The following CALCOCO2 variants were observed in gnomAD, a reference collection of about 807,000 sequenced individuals.
The protein encoded by CALCOCO2 is calcium binding and coiled-coil domain 2.
Under a neutral mutation model 62.5 loss-of-function variants are expected in CALCOCO2, and 42 were observed. That is an observed-to-expected ratio of 0.67 (90% CI 0.53 to 0.87). The LOEUF (loss-of-function observed/expected upper bound fraction) is 0.87, where lower values mean the gene tolerates loss of function less well. Ranked by LOEUF, CALCOCO2 falls within the 40% of genes least tolerant of loss-of-function variation. The pLI is 0.00. For missense variants in CALCOCO2, 456 were observed against 515.0 expected, an observed-to-expected ratio of 0.89 and a Z score of 1.11; for synonymous variants, 167 against 173.0, an observed-to-expected ratio of 0.97 and a Z score of 0.27.
intron 1 of CALCOCO2, among the ~76,000 whole-genome samples, chr17:48,838,570 C>T (rs2039929231): frequency 6.6e-6 from 1 of 151,808 alleles, no homozygotes; most frequent in Admixed American, 6.6e-5. Flanking sequence ...AAAAACTGGC[C>T]GGGCATGGTG....
At chr17:48,840,573 T>C (rs1310866130) in intron 1 of CALCOCO2, among the ~76,000 whole-genome samples, 1 of 152,222 alleles carries the variant, frequency 6.6e-6, no homozygotes, top group African/African-American at 2.4e-5. Context: ...GTTTCTTTGT[T>C]GTTACTCATG....
At chr17:48,842,154 C>CTTTTTTTTTTTTTTTTTTTTTTTTTTTT (rs200836727) in intron 2 of CALCOCO2, 1 of 135,484 alleles carries the variant, frequency 7.4e-6, no homozygotes. Flanking sequence ...TTTTTCTTTT[C>CTTTTTTTTTTTTTTTTTTTTTTTTTTTT]TTTTTTTTTT....
intron 10 of CALCOCO2, among the ~76,000 whole-genome samples, chr17:48,858,074 T>TAGAATAGAA (rs1287542653): frequency 1.4e-4 from 21 of 145,126 alleles, no homozygotes; most frequent in Admixed American, 2.8e-4. Context: ...TAGAATAGAA[T>TAGAATAGAA]TTTACCATCT....
chr17:48,856,241 G>A, intron 10 of CALCOCO2, 54 bp downstream of exon 10: 1 of 993,558 alleles, frequency 1.0e-6, no homozygotes, highest in Non-Finnish European at 1.6e-6. Context: ...GAAGGATCAG[G>A]GTGGCCCAGA....
chr17:48,858,046 A>AG, intron 10 of CALCOCO2, among the ~76,000 whole-genome samples: 10 of 40,040 alleles, frequency 2.5e-4, no homozygotes, highest in East Asian at 1.6e-3. Context: ...ATAGAATAGA[A>AG]AATAGAATAG....
In CALCOCO2 at chr17:48,862,925, A is replaced by T; in HGVS notation, c.1261A>T (p.Asn421Tyr). 6.2e-7 allele frequency: 1 copy of T among 1,613,854 alleles called. No homozygotes were observed. Among genetic ancestry groups the T allele is most frequent in the Non-Finnish European group, 8.5e-7 (1 of 1,179,722 alleles). The change falls in exon 13 of 13, where the codon AAT (asparagine) becomes TAT (tyrosine). Residue 421 changes from asparagine (N) to tyrosine (Y), a missense_variant. Physicochemically the swap from Asn to Tyr is moderately radical, Grantham distance 143. Around this residue, in one of 3 missense-constraint regions of CALCOCO2, gnomAD observed 172 missense variants for 210.3 expected, o/e 0.82. Coordinates refer to ENST00000258947, the MANE Select transcript of CALCOCO2 (RefSeq NM_005831.5). ...ACAGCAGATGCAGCCCCTTTGTTTCAATTGTCCAATTTGTGACAAGATCTT... is the reference window on the plus strand; with the variant it reads ...ACAGCAGATGCAGCCCCTTTGTTTCTATTGTCCAATTTGTGACAAGATCTT... The part of the protein sequence containing the change: ...EQQQMQPLCF[N>Y]CPICDKIFPA...
At chr17:48,860,938 A>G (rs2040318113) in intron 11 of CALCOCO2, among the ~76,000 whole-genome samples, 1 of 152,142 alleles carries the variant, frequency 6.6e-6, no homozygotes, top group Non-Finnish European at 1.5e-5. Context: ...GTCCTTGCCA[A>G]ACAGGGAGCT....
chr17:48,856,337 C>G (rs1389239750), intron 10 of CALCOCO2, 150 bp downstream of exon 10: 1 of 556,090 alleles, frequency 1.8e-6, no homozygotes, highest in Admixed American at 3.1e-5. Flanking sequence ...TAAATTTAAT[C>G]TAATTTCCTA....
rs755109871 is a variant in CALCOCO2 at position 48,862,812 on chromosome 17, A to G, written c.1174-26A>G. On this transcript the variant is annotated intron_variant, in intron 12 of 12. Transcript: ENST00000258947. ...TGTGCCACATATAGCTTACATTTGT[A>G]CTGACCTCTTTGCTCTTCCTCCCAG... 2.5e-6 allele frequency: 4 copies of G among 1,607,106 alleles called. No individual in the cohort carries two copies. The South Asian group carries it at 3.3e-5, about 13-fold the overall frequency.
chr17:48,856,039 G>C (rs773952651), intron 9 of CALCOCO2, 53 bp from the exon 10 acceptor site: 4 of 883,716 alleles, frequency 4.5e-6, no homozygotes, highest in Non-Finnish European at 7.2e-6. Context: ...TTCTCACCTT[G>C]TACCCAGACT....
intron 1 of CALCOCO2, among the ~76,000 whole-genome samples, chr17:48,838,183 G>A (rs975648026): frequency 6.6e-6 from 1 of 151,938 alleles, no homozygotes; most frequent in Non-Finnish European, 1.5e-5. Context: ...GAGCAAGCAG[G>A]GGGTACATGA....
intron 6 of CALCOCO2, 97 bp from the exon 7 acceptor site, chr17:48,851,462 G>A (rs772770386): frequency 2.6e-6 from 2 of 761,710 alleles, no homozygotes; most frequent in Non-Finnish European, 2.3e-6. Context: ...AAATAATTCT[G>A]CAGGCTTAGG....
intron 1 of CALCOCO2, among the ~76,000 whole-genome samples, chr17:48,834,735 A>G (rs538595193): frequency 6.6e-6 from 1 of 152,062 alleles, no homozygotes; most frequent in Admixed American, 6.6e-5. Context: ...AAGGAGGGGA[A>G]GTTGATGCTT....
At chr17:48,850,666 T>C (rs1034038791) in intron 5 of CALCOCO2, among the ~76,000 whole-genome samples, 35 of 152,166 alleles carry the variant, frequency 2.3e-4, no homozygotes, top group African/African-American at 8.4e-4. Context: ...CAGTGTCTAG[T>C]GTGGAATAGG....
In CALCOCO2 at chr17:48,852,512, C is replaced by A. The variant is rs1012931867; in HGVS notation, c.709C>A (p.Leu237Met). 1 of 1,613,004 alleles carries A rather than the reference C, an allele frequency of 6.2e-7. No homozygotes were observed. Among genetic ancestry groups the A allele is most frequent in the Non-Finnish European group, 8.5e-7 (1 of 1,179,386 alleles). The change falls in exon 8 of 13, where the codon CTG becomes ATG. Residue 237 changes from leucine (L) to methionine (M), a missense_variant. Coordinates refer to ENST00000258947, the MANE Select transcript of CALCOCO2 (RefSeq NM_005831.5). ...GIRVDQLQAQ[L>M]STQEKEMEKL... ...TTCACTATTTTTGTTTTAGGCCCAG[C>A]TGTCAACTCAAGAGAAAGAAATGGA... is the stretch of plus-strand genomic sequence containing the variant.
intron 10 of CALCOCO2, among the ~76,000 whole-genome samples, chr17:48,857,721 T>G (rs1320808484): frequency 6.7e-6 from 1 of 149,372 alleles, no homozygotes; most frequent in Non-Finnish European, 1.5e-5. Flanking sequence ...ACGCCTGTAA[T>G]CCTAGCACTT....
At chr17:48,842,082 C>A in intron 2 of CALCOCO2, 195 bp downstream of exon 2, 3 of 343,142 alleles carry the variant, frequency 8.7e-6, no homozygotes, top group Non-Finnish European at 1.6e-5. Flanking sequence ...ATTTCAGTGT[C>A]AAGCTAAAAT....
intron 1 of CALCOCO2, among the ~76,000 whole-genome samples, chr17:48,840,555 A>G (rs2039963399): frequency 6.6e-6 from 1 of 152,104 alleles, no homozygotes; most frequent in Non-Finnish European, 1.5e-5. Context: ...TGTGGGTTGC[A>G]TTTTTCTGTT....
At chr17:48,847,395 A>G (rs1276339138) in intron 2 of CALCOCO2, among the ~76,000 whole-genome samples, 1 of 152,146 alleles carries the variant, frequency 6.6e-6, no homozygotes, top group Non-Finnish European at 1.5e-5. Flanking sequence ...ATATTCCCGC[A>G]ACTTTCCCCT....
Sources: gnomAD v4.1 joint callset for allele counts (sites outside exome capture counted in the v4.1 genomes callset) on GRCh38, gnomAD v4.1.1 for gene constraint, gnomAD v4.1.1 regional missense constraint, MANE v1.5 for transcripts, NCBI Gene and HGNC (gene_info 2026-07-23, HGNC 2026-07-21) for gene names.